The following FRMPD3 variants were observed in gnomAD, a reference collection of about 807,000 sequenced individuals.
The protein encoded by FRMPD3 is FERM and PDZ domain containing 3, also known as FERM and PDZ domain-containing protein 3.
In FRMPD3, 42 loss-of-function variants were observed where a neutral mutation model predicts 97.9. The observed-to-expected ratio is 0.43, with a 90% CI of 0.34 to 0.55. FRMPD3 has a LOEUF of 0.55. Ranked by LOEUF, FRMPD3 falls within the 20% of genes least tolerant of loss-of-function variation. The pLI, the probability that FRMPD3 is intolerant of heterozygous loss-of-function variation, is 0.03. For missense variants in FRMPD3, 1,303 were observed against 1,457.7 expected (o/e 0.89, Z 1.73); for synonymous variants, 577 against 581.1 (o/e 0.99, Z 0.10).
At chrX:107,578,942 G>T (rs1923254995) in intron 13 of FRMPD3, among the ~76,000 whole-genome samples, 2 of 111,339 alleles carry the variant, frequency 1.8e-5, no homozygotes, top group South Asian at 7.7e-4. Context: ...CAACTGAGGA[G>T]ACCTCAGCTC....
chrX:107,585,820 G>A (rs1199020599), intron 13 of FRMPD3, among the ~76,000 whole-genome samples: 1 of 112,057 alleles, frequency 8.9e-6, no homozygotes, highest in Admixed American at 9.5e-5. Flanking sequence ...TAAGTTTTTC[G>A]ATGTGCTGCT....
At chrX:107,524,602 GCTT>G (rs2147546886) in intron 1 of FRMPD3, among the ~76,000 whole-genome samples, 1 of 112,251 alleles carries the variant, frequency 8.9e-6, no homozygotes, top group Admixed American at 9.4e-5. Context: ...TAGTCCTAAA[GCTT>G]CTCTCTATTA....
chrX:107,532,073 A>G (rs936650659), intron 3 of FRMPD3, among the ~76,000 whole-genome samples: 1 of 112,793 alleles, frequency 8.9e-6, no homozygotes, highest in African/African-American at 3.2e-5. Flanking sequence ...ACTGGAGTTT[A>G]CATTTTAGTG....
At chrX:107,505,617 G>T (rs1330351567) in intron 1 of FRMPD3, among the ~76,000 whole-genome samples, 1 of 112,644 alleles carries the variant, frequency 8.9e-6, no homozygotes, top group Non-Finnish European at 1.9e-5. Flanking sequence ...TGAATAAGCT[G>T]GGGCAAAGCT....
intron 1 of FRMPD3, among the ~76,000 whole-genome samples, chrX:107,523,884 T>C (rs1922593767): frequency 8.9e-6 from 1 of 112,196 alleles, no homozygotes; most frequent in African/African-American, 3.2e-5. Context: ...AGATGTCCTC[T>C]GCTTCAAAAA....
At chrX:107,562,732 T>C (rs1922424095) in intron 10 of FRMPD3, among the ~76,000 whole-genome samples, 1 of 112,040 alleles carries the variant, frequency 8.9e-6, no homozygotes, top group Non-Finnish European at 1.9e-5. Flanking sequence ...ATGAACGGTA[T>C]TGAGTGGGAC....
chrX:107,472,582 C>T (rs2147512957), intron 1 of FRMPD3, among the ~76,000 whole-genome samples: 1 of 110,980 alleles, frequency 9.0e-6, no homozygotes, highest in African/African-American at 3.3e-5. Flanking sequence ...CCAAGGTATC[C>T]AGGTTCTCTC....
chrX:107,533,970 A>G (rs935112415), intron 4 of FRMPD3, among the ~76,000 whole-genome samples: 2 of 112,265 alleles, frequency 1.8e-5, no homozygotes, highest in African/African-American at 6.5e-5. Flanking sequence ...TATGTGAGAG[A>G]ATTTAATATA....
intron 13 of FRMPD3, among the ~76,000 whole-genome samples, chrX:107,577,344 C>T (rs1923168983): frequency 9.3e-6 from 1 of 107,065 alleles, no homozygotes; most frequent in African/African-American, 3.4e-5. Context: ...ATTAGCTGGA[C>T]GTGGTGGTGT....
intron 7 of FRMPD3, among the ~76,000 whole-genome samples, chrX:107,553,323 T>TC (rs759063836): frequency 1.9e-4 from 20 of 106,417 alleles, no homozygotes; most frequent in Non-Finnish European, 3.7e-4. Context: ...CTCAGCCAAT[T>TC]CCCAACTCCC....
chrX:107,500,805 C>CAAAA lies in FRMPD3; in HGVS notation c.-7-25760_-7-25757dup, dbSNP rs768889360. On this transcript the variant is annotated intron_variant, in intron 1 of 14. Coordinates refer to ENST00000683843, the MANE Select transcript of FRMPD3 (RefSeq NM_001388459.1). ...CCTGGGCGACAGAGTAAGACTCTGT[C>CAAAA]AAAAAAAAAAAAAAAAAAAAGCAAT... Among the ~76,000 whole-genome samples the CAAAA allele has an allele frequency of 3.4e-3, 117 of 34,511 alleles. 1 individual carries two copies. The highest frequency in any genetic ancestry group is 9.1e-3 in the African/African-American group (98 of 10,749). 30.0% of individuals were successfully genotyped at this position (34,511 alleles called of 115,157 possible).
intron 1 of FRMPD3, among the ~76,000 whole-genome samples, chrX:107,472,086 G>A (rs1424661263): frequency 1.8e-5 from 2 of 112,063 alleles, no homozygotes; most frequent in East Asian, 2.8e-4. Flanking sequence ...TGTTGGCCAC[G>A]TAAATGTCTT....
chrX:107,456,365 A>G (rs769348529), intron 1 of FRMPD3, among the ~76,000 whole-genome samples: 3 of 111,180 alleles, frequency 2.7e-5, no homozygotes, highest in Non-Finnish European at 5.7e-5. Flanking sequence ...AATATTTTCA[A>G]CCTCAAAAAA....
At chrX:107,489,537 G>A (rs982590558) in intron 1 of FRMPD3, among the ~76,000 whole-genome samples, 2 of 111,986 alleles carry the variant, frequency 1.8e-5, no homozygotes, top group African/African-American at 3.2e-5. Flanking sequence ...TCTAACTGGT[G>A]TGAGATGGTA....
At chrX:107,484,308 GC>G (rs1264739086) in intron 1 of FRMPD3, among the ~76,000 whole-genome samples, 1 of 112,661 alleles carries the variant, frequency 8.9e-6, no homozygotes, top group Non-Finnish European at 1.9e-5. Flanking sequence ...GGGCCAGGCA[GC>G]AGGGAGGTAA....
chrX:107,600,287 A>G lies in FRMPD3; in HGVS notation c.2264-16A>G. The G allele has an allele frequency of 8.4e-7, 1 of 1,192,705 alleles. No homozygotes were observed. The highest frequency in any genetic ancestry group is 2.2e-5 in the Admixed American group (1 of 44,751). On this transcript the variant is annotated splice_polypyrimidine_tract_variant and intron_variant, in intron 14 of 14. Coordinates refer to ENST00000683843, the MANE Select transcript of FRMPD3 (RefSeq NM_001388459.1). ...GATTTCAGTAAGCATAACAAGCCCT[A>G]TCCCTGTTCCTCCAGGTCTGATTGT...
At chrX:107,592,658 T>G (rs892645700) in intron 13 of FRMPD3, among the ~76,000 whole-genome samples, 1 of 111,422 alleles carries the variant, frequency 9.0e-6, no homozygotes, top group Admixed American at 9.6e-5. Flanking sequence ...CTACTTTTAG[T>G]TTTTTAAGGA....
chrX:107,471,277 TTTCC>T (rs1289039950), intron 1 of FRMPD3, among the ~76,000 whole-genome samples: 15 of 107,229 alleles, frequency 1.4e-4, no homozygotes, highest in South Asian at 4.3e-4. Flanking sequence ...TCCTTCCTTC[TTTCC>T]TTCCTTCCTT....
chrX:107,452,578 G>A (rs1338452690), intron 1 of FRMPD3, among the ~76,000 whole-genome samples: 1 of 111,475 alleles, frequency 9.0e-6, no homozygotes, highest in African/African-American at 3.3e-5. Context: ...CCAGACTATT[G>A]GCCTGAACTC....
Sources: gnomAD v4.1 joint callset for allele counts (sites outside exome capture counted in the v4.1 genomes callset) on GRCh38, gnomAD v4.1.1 for gene constraint, MANE v1.5 for transcripts, NCBI Gene and HGNC (gene_info 2026-07-23, HGNC 2026-07-21) for gene names.